TBC1D22A: variants seen among roughly 807,000 people sequenced by gnomAD.
TBC1D22A encodes the protein TBC1 domain family member 22A.
A neutral mutation model predicts 60.2 loss-of-function variants in TBC1D22A; 38 were observed. The ratio of observed to expected loss-of-function variants is 0.63; its 90% confidence interval spans 0.49 to 0.83. The LOEUF (loss-of-function observed/expected upper bound fraction) is 0.83, where lower values mean the gene tolerates loss of function less well. Among genes scored for constraint, TBC1D22A ranks in the 40% least tolerant of loss-of-function variants. The pLI is 0.00. For synonymous variants in TBC1D22A, 302 were observed against 281.7 expected (o/e 1.07, Z -0.72); for missense variants, 628 against 701.0 (o/e 0.90, Z 1.18).
intron 1 of TBC1D22A, among the ~76,000 whole-genome samples, chr22:46,782,156 G>A (rs1187902431): frequency 1.3e-5 from 2 of 152,236 alleles, no homozygotes; most frequent in East Asian, 1.9e-4. Context: ...CTGGGTTCAA[G>A]TGATTCTTCT....
chr22:46,763,981 C>T (rs1385172573), intron 1 of TBC1D22A: 2 of 152,182 alleles, frequency 1.3e-5, no homozygotes, highest in Admixed American at 1.3e-4. Flanking sequence ...GTAATCCTGG[C>T]TACTTGGGAG....
intron 4 of TBC1D22A, among the ~76,000 whole-genome samples, chr22:46,827,935 C>A (rs2086142128): frequency 6.6e-6 from 1 of 152,200 alleles, no homozygotes; most frequent in African/African-American, 2.4e-5. Flanking sequence ...CATGGGTGCT[C>A]CCCTTTGTGC....
intron 10 of TBC1D22A, among the ~76,000 whole-genome samples, chr22:46,999,727 A>T (rs1302712171): frequency 6.6e-6 from 1 of 151,728 alleles, no homozygotes; most frequent in Non-Finnish European, 1.5e-5. Flanking sequence ...TTGCTTAAAG[A>T]AAAAAAAAGC....
At chr22:46,942,195 C>T (rs1006392917) in intron 8 of TBC1D22A, among the ~76,000 whole-genome samples, 1 of 152,056 alleles carries the variant, frequency 6.6e-6, no homozygotes, top group East Asian at 1.9e-4. Flanking sequence ...GGCTGCCCGG[C>T]ATGTGGTTCG....
At chr22:46,976,790 C>T (rs751706959) in intron 9 of TBC1D22A, among the ~76,000 whole-genome samples, 1 of 152,190 alleles carries the variant, frequency 6.6e-6, no homozygotes, top group Admixed American at 6.5e-5. Flanking sequence ...TTGTTCCCAG[C>T]GTTCTTTCAA....
At chr22:47,138,132 T>TG (rs1381636581) in intron 12 of TBC1D22A, among the ~76,000 whole-genome samples, 1 of 152,190 alleles carries the variant, frequency 6.6e-6, no homozygotes, top group Non-Finnish European at 1.5e-5. Flanking sequence ...GCAGTCCTCG[T>TG]GGGATCGTCC....
rs369922038 is a variant in TBC1D22A, at chr22:47,037,273, G to T, written c.1329+75G>T. 3.8e-4 allele frequency: 600 copies of T among 1,581,436 alleles called. 9 individuals are homozygous for T. The East Asian group carries it at 9.2e-3, about 24-fold the overall frequency. ...CGTTTCCTGTCGCCTTCTGCCCTGGGCCTGTGTGCTGCATTCGATTTTTTC... is the reference window on the plus strand; with the variant it reads ...CGTTTCCTGTCGCCTTCTGCCCTGGTCCTGTGTGCTGCATTCGATTTTTTC... On this transcript the variant is annotated intron_variant, in intron 11 of 12. Coordinates refer to ENST00000337137, the MANE Select transcript of TBC1D22A (RefSeq NM_014346.5).
At chr22:46,886,096 TC>T (rs1355070348) in intron 5 of TBC1D22A, among the ~76,000 whole-genome samples, 1 of 152,008 alleles carries the variant, frequency 6.6e-6, no homozygotes. Context: ...TTTAGTATTT[TC>T]ACCGTGTTAG....
At chr22:47,051,846 C>A (rs116055229) in intron 11 of TBC1D22A, among the ~76,000 whole-genome samples, 2,111 of 152,308 alleles carry the variant, frequency 0.014, 48 homozygotes, top group African/African-American at 0.044. Context: ...TTCAGGGATT[C>A]AGTTTGTTTC....
intron 10 of TBC1D22A, among the ~76,000 whole-genome samples, chr22:47,015,291 C>T (rs1329083409): frequency 6.6e-6 from 1 of 152,130 alleles, no homozygotes; most frequent in African/African-American, 2.4e-5. Context: ...GTGCGAGACT[C>T]CCGAGGGTCC....
chr22:46,917,679 T>C (rs2070464617), intron 8 of TBC1D22A, among the ~76,000 whole-genome samples: 2 of 151,492 alleles, frequency 1.3e-5, no homozygotes, highest in Admixed American at 1.3e-4. Context: ...GCAGTGGAGG[T>C]TAGTCTGGAA....
At chr22:47,025,361 A>G (rs1171646200) in intron 10 of TBC1D22A, among the ~76,000 whole-genome samples, 1 of 152,244 alleles carries the variant, frequency 6.6e-6, no homozygotes, top group Non-Finnish European at 1.5e-5. Context: ...AAAAGTTTCA[A>G]TAAATCTTAA....
chr22:46,848,219 G>A (rs553219841), intron 4 of TBC1D22A, among the ~76,000 whole-genome samples: 3 of 152,296 alleles, frequency 2.0e-5, no homozygotes, highest in East Asian at 1.9e-4. Flanking sequence ...AAATGGTATC[G>A]CGGAGGCGGT....
intron 6 of TBC1D22A, among the ~76,000 whole-genome samples, chr22:46,894,416 G>A (rs1006409223): frequency 3.3e-5 from 5 of 152,210 alleles, no homozygotes; most frequent in African/African-American, 1.2e-4. Context: ...CTGAAAACTT[G>A]TAAACTATTG....
chr22:46,904,622 C>T lies in TBC1D22A; in HGVS notation c.901-7452C>T, dbSNP rs540170922. On this transcript the variant is annotated intron_variant, in intron 7 of 12. Coordinates refer to ENST00000337137, the MANE Select transcript of TBC1D22A (RefSeq NM_014346.5). ...TAGCTGGGATTACAGGCGCCCGCCA[C>T]CACGCCCGGCTAATTTTGTATTTTT... Among the ~76,000 whole-genome samples the T allele has an allele frequency of 3.3e-5, 5 of 152,022 alleles. No individual in the cohort carries two copies. In the South Asian group the frequency reaches 8.3e-4, roughly 25 times the overall value.
chr22:47,121,717 T>G (rs1438762450), intron 12 of TBC1D22A, among the ~76,000 whole-genome samples: 1 of 151,156 alleles, frequency 6.6e-6, no homozygotes, highest in Non-Finnish European at 1.5e-5. Flanking sequence ...AAAAAAAATT[T>G]TTTTTTTTTT....
chr22:46,889,726 G>A (rs1168932684), intron 5 of TBC1D22A, among the ~76,000 whole-genome samples: 2 of 152,206 alleles, frequency 1.3e-5, no homozygotes, highest in Admixed American at 6.5e-5. Context: ...CTGAGTGAAG[G>A]AAAAGCTTGC....
chr22:47,092,325 G>A lies in TBC1D22A; in HGVS notation c.1330-19183G>A, dbSNP rs118074808. 3.2e-3 allele frequency among the ~76,000 whole-genome samples: 489 copies of A among 152,252 alleles called. 23 individuals are homozygous for A. In the East Asian group the frequency reaches 0.088, roughly 27 times the overall value. ...GGACAGAGAGGTATGGAGGGAGCCC[G>A]CAGCAGCCCAGAGTGTCTCAGTGAA... On this transcript the variant is annotated intron_variant, in intron 11 of 12. Transcript: ENST00000337137.
intron 8 of TBC1D22A, among the ~76,000 whole-genome samples, chr22:46,924,559 A>G (rs73480718): frequency 0.073 from 11,083 of 152,176 alleles, 690 homozygotes; most frequent in African/African-American, 0.17. Flanking sequence ...AGCCCGACCA[A>G]CGTGGTGAAA....
Sources: allele counts gnomAD v4.1 joint callset (sites outside exome capture counted in the v4.1 genomes callset), GRCh38; gene constraint gnomAD v4.1.1; transcripts MANE v1.5; gene names NCBI Gene and HGNC (gene_info 2026-07-23, HGNC 2026-07-21).